The following CCHCR1 variants were observed in gnomAD, a reference collection of about 807,000 sequenced individuals.
CCHCR1 encodes HCR (a-helix coiled-coil rod homologue).
A neutral mutation model predicts 114.6 loss-of-function variants in CCHCR1; 91 were observed. The observed-to-expected ratio is 0.79, with a 90% CI of 0.67 to 0.94. The LOEUF is 0.94. Among genes scored for constraint, CCHCR1 ranks in the 40% least tolerant of loss-of-function variants. CCHCR1 has a pLI of 0.00. For synonymous variants in CCHCR1, 379 were observed against 428.5 expected (o/e 0.88, Z 1.43); for missense variants, 899 against 1,079.9 (o/e 0.83, Z 2.35).
Position 31,144,294 on chromosome 6 carries a change from T to C in CCHCR1, c.2167+393A>G, listed in dbSNP as rs112971796. Reference sequence around the variant, plus strand: ...CTGCAGCCTCGACCTCCCGGGTTCATGTAGTCTTCCCACATCAGCCTCACA... The same window carrying C: ...CTGCAGCCTCGACCTCCCGGGTTCACGTAGTCTTCCCACATCAGCCTCACA... On this transcript the variant is annotated intron_variant, in intron 15 of 17. Transcript: ENST00000396268. The surrounding 1 kb of genome is among the most constrained non-coding windows in gnomAD (Gnocchi z 4.6). Among the ~76,000 whole-genome samples the C allele has an allele frequency of 0.015, 2,335 of 152,214 alleles. 72 individuals carry two copies. The highest frequency in any genetic ancestry group is 0.1 in the East Asian group (515 of 5,168).
Position 31,143,485 on chromosome 6 carries a change from G to T in CCHCR1, c.2168-72C>A. 6.5e-7 allele frequency: 1 copy of T among 1,541,158 alleles called. No individual in the cohort carries two copies. ...GAGGCAGCCAGGCACCATGAAGACA[G>T]GAACAAACGCTGGGTCACCAACTCT... is the stretch of plus-strand genomic sequence containing the variant. On this transcript the variant is annotated intron_variant, in intron 15 of 17. Transcript: ENST00000396268. The surrounding 1 kb of genome is among the most constrained non-coding windows in gnomAD (Gnocchi z 5.3).
At chr6:31,155,600 T>G (rs143166791) in intron 3 of CCHCR1, among the ~76,000 whole-genome samples, 4 of 14,036 alleles carry the variant, frequency 2.8e-4, no homozygotes, top group Admixed American at 9.7e-4. Flanking sequence ...TGAGACTCCA[T>G]CTCAAAAAAA....
Position 31,154,408 on chromosome 6 carries a change from G to A in CCHCR1, c.801+88C>T, listed in dbSNP as rs2151056584. On this transcript the variant is annotated intron_variant, in intron 4 of 17. Coordinates refer to ENST00000396268, the MANE Select transcript of CCHCR1 (RefSeq NM_001105564.2). The surrounding 1 kb of genome is among the most constrained non-coding windows in gnomAD (Gnocchi z 4.1). ...ACTCTACTACTCACTACTCATGGAG[G>A]GTCTTTTCTGCAATACCTGTTCTTT... The A allele has an allele frequency of 3.1e-6, 3 of 976,122 alleles. No individual in the cohort carries two copies. The highest frequency in any genetic ancestry group is 2.4e-5 in the East Asian group (1 of 41,556). 60.5% of individuals were successfully genotyped at this position (976,122 alleles called of 1,614,324 possible).
In CCHCR1 at chr6:31,144,745, C is replaced by G; in HGVS notation, c.2109G>C (p.Glu703Asp). The G allele has an allele frequency of 1.2e-6, 2 of 1,613,986 alleles. No homozygotes were observed. Among genetic ancestry groups the G allele is most frequent in the Non-Finnish European group, 1.7e-6 (2 of 1,179,922 alleles). The change falls in exon 15 of 18, where the codon GAG becomes GAC. Residue 703 changes from glutamate (E) to aspartate (D), a missense_variant. By Grantham distance (45) the Glu-to-Asp change is conservative. Coordinates refer to ENST00000396268, the MANE Select transcript of CCHCR1 (RefSeq NM_001105564.2). The surrounding 1 kb of genome is among the most constrained non-coding windows in gnomAD (Gnocchi z 4.6). ...KVAEVETRLR[E>D]QLSDTERRLN... is the part of the protein sequence containing the mutation. ...GCCTCCTCTCTGTGTCTGAGAGTTG[C>G]TCCCGCAGCCGAGTTTCCACTTCAG...
At position 31,144,791 on chromosome 6, in the gene CCHCR1, G is replaced by C. The variant is rs769454876; in HGVS notation, c.2066-3C>G. 14 of 1,613,520 alleles carry C rather than the reference G, an allele frequency of 8.7e-6. No homozygotes were observed. The highest frequency in any genetic ancestry group is 1.2e-5 in the Non-Finnish European group (14 of 1,179,552). On this transcript the variant is annotated splice_polypyrimidine_tract_variant and splice_region_variant and intron_variant, in intron 14 of 17. Transcript: ENST00000396268. This position sits in a 1 kb window ranked among gnomAD's most constrained non-coding sequence, Gnocchi z 4.6. ...TTCAGCCACCTTTTCTTGCAGGGCT[G>C]GGGTGAAAGTGCAGACGGGGCATAT... is the stretch of plus-strand genomic sequence containing the variant.
In CCHCR1 at chr6:31,151,081, A is replaced by C. The variant is rs1274021733; in HGVS notation, c.843T>G (p.Ser281Arg). 6.2e-7 allele frequency: 1 copy of C among 1,613,040 alleles called. No homozygotes were observed. The highest frequency in any genetic ancestry group is 8.5e-7 in the Non-Finnish European group (1 of 1,180,016). ...CCAAGCCCTCAGCCTTGCTGGTCAA[A>C]CTGGAAAGAGCCTCCTCGTGAGCCT... is the stretch of plus-strand genomic sequence containing the variant. ...LTQAHEEALS[S>R]LTSKAEGLEK... The change falls in exon 5 of 18, where the codon AGT (serine) becomes AGG (arginine). Residue 281 changes from serine (S) to arginine (R), a missense_variant. Ser to Arg is a moderately radical substitution (Grantham distance 110). Transcript: ENST00000396268. The surrounding 1 kb of genome is among the most constrained non-coding windows in gnomAD (Gnocchi z 4.1).
upstream of CCHCR1, chr6:31,157,960 T>G: frequency 1.3e-5 from 4 of 315,088 alleles, no homozygotes; most frequent in East Asian, 6.8e-5. Flanking sequence ...CCCTGTACGC[T>G]AGCCGGCTCT....
rs536199531 is a variant in CCHCR1, at chr6:31,155,655, G to T, written c.498-856C>A. Among the ~76,000 whole-genome samples, 6 of 151,482 alleles carry T rather than the reference G, an allele frequency of 4.0e-5. No homozygotes were observed. The East Asian group carries it at 9.7e-4, about 25-fold the overall frequency. On this transcript the variant is annotated intron_variant, in intron 3 of 17. Coordinates refer to ENST00000396268, the MANE Select transcript of CCHCR1 (RefSeq NM_001105564.2). Reference sequence around the variant, plus strand: ...GGTATACTTTATGAGGAGTCTGAGAGAACAGTACATAAATAACACAGTGCC... The same window carrying T: ...GGTATACTTTATGAGGAGTCTGAGATAACAGTACATAAATAACACAGTGCC...
chr6:31,156,889 CA>C lies in CCHCR1; in HGVS notation c.338del (p.Leu113ArgfsTer28). The C allele has an allele frequency of 6.2e-7, 1 of 1,612,838 alleles. No homozygotes were observed. Among genetic ancestry groups the C allele is most frequent in the Non-Finnish European group, 8.5e-7 (1 of 1,180,020 alleles). On this transcript the variant is annotated frameshift_variant, in exon 3 of 18. Coordinates refer to ENST00000396268, the MANE Select transcript of CCHCR1 (RefSeq NM_001105564.2). LOFTEE classifies it high-confidence loss of function. ...AGAGCCAGGTGGGAGCCATTCTTGG[CA>C]GAGTTGAAAGGGGCCGAGCTTGAAA... ...SHFQARPLST[L>X]PRMAPTWLSD... is the part of the protein sequence containing the mutation.
chr6:31,153,396 G>A (rs1219202823), intron 4 of CCHCR1, among the ~76,000 whole-genome samples: 3 of 151,774 alleles, frequency 2.0e-5, no homozygotes, highest in Non-Finnish European at 4.4e-5. Flanking sequence ...CCCTTTTCTT[G>A]TGATCTGAGC....
chr6:31,148,853 GCGGGCGAC>G, intron 8 of CCHCR1, 125 bp from the exon 9 acceptor site: 1 of 245,822 alleles, frequency 4.1e-6, no homozygotes, highest in Non-Finnish European at 8.2e-6. Flanking sequence ...GGGAGGGGGG[GCGGGCGAC>G]GGGGGTGGGT....
rs746587026 is a variant in CCHCR1 at position 31,144,923 on chromosome 6, C to T, written c.2027G>A (p.Arg676Gln). The change falls in exon 14 of 18, where the codon CGG (arginine) becomes CAG (glutamine). Residue 676 changes from arginine to glutamine, a missense_variant. Physicochemically the swap from Arg to Gln is conservative, Grantham distance 43. Coordinates refer to ENST00000396268, the MANE Select transcript of CCHCR1 (RefSeq NM_001105564.2). The surrounding 1 kb of genome is among the most constrained non-coding windows in gnomAD (Gnocchi z 4.6). Reference protein sequence around the residue: ...QESTEEAASLRQELTQQQELY... With the variant: ...QESTEEAASLQQELTQQQELY... ...TTCCTGCTGCTGGGTCAGCTCCTGC[C>T]GCAGACTGGCAGCCTCCTCTGTGCT... The T allele has an allele frequency of 8.7e-6, 14 of 1,612,880 alleles. No homozygotes were observed. Among genetic ancestry groups the T allele is most frequent in the African/African-American group, 2.7e-5 (2 of 74,912 alleles).
At chr6:31,153,254 A>T (rs1253365652) in intron 4 of CCHCR1, among the ~76,000 whole-genome samples, 1 of 151,764 alleles carries the variant, frequency 6.6e-6, no homozygotes, top group African/African-American at 2.4e-5. Context: ...GATTACAGGC[A>T]TGAGCCACTG....
In CCHCR1 at chr6:31,154,590, C is replaced by G. The variant is rs777322758; in HGVS notation, c.707G>C (p.Arg236Pro). The G allele has an allele frequency of 1.2e-6, 2 of 1,613,046 alleles. No homozygotes were observed. The highest frequency in any genetic ancestry group is 2.2e-5 in the East Asian group (1 of 44,886). ...KAGRAEAEGL[R>P]AALAGAEVVR... is the part of the protein sequence containing the mutation. ...AACCTCAGCCCCAGCCAAAGCAGCA[C>G]GCAGGCCCTCAGCCTCAGCTCGGCC... The change falls in exon 4 of 18, where the codon CGT becomes CCT. Residue 236 changes from arginine to proline, a missense_variant. Arg to Pro is a moderately radical substitution (Grantham distance 103). Coordinates refer to ENST00000396268, the MANE Select transcript of CCHCR1 (RefSeq NM_001105564.2). The surrounding 1 kb of genome is among the most constrained non-coding windows in gnomAD (Gnocchi z 4.1).
Position 31,142,512 on chromosome 6 carries a change from G to T in CCHCR1, c.*80C>A, listed in dbSNP as rs965727555. On this transcript the variant is annotated 3_prime_UTR_variant, in exon 18 of 18. Coordinates refer to ENST00000396268, the MANE Select transcript of CCHCR1 (RefSeq NM_001105564.2). ...ATCCCCCAGGGCAACCCCAGGATGG[G>T]GAAGGGCTGGTCTGTCCCCACCCAC... The T allele has an allele frequency of 4.2e-5, 59 of 1,411,664 alleles. No individual in the cohort carries two copies. The highest frequency in any genetic ancestry group is 5.3e-5 in the Non-Finnish European group (54 of 1,027,236). 87.4% of individuals were successfully genotyped at this position (1,411,664 alleles called of 1,614,324 possible).
chr6:31,145,640 G>GA, intron 11 of CCHCR1, 56 bp downstream of exon 11: 2 of 1,480,200 alleles, frequency 1.4e-6, no homozygotes, highest in Non-Finnish European at 1.9e-6. Flanking sequence ...TCAGGAAGAA[G>GA]AAAGTCCGAG....
intron 4 of CCHCR1, among the ~76,000 whole-genome samples, chr6:31,153,332 T>C (rs1775520309): frequency 6.6e-6 from 1 of 152,148 alleles, no homozygotes. Context: ...CTGATTGGAT[T>C]GCTGGTCTTT....
At position 31,154,593 on chromosome 6, in the gene CCHCR1, A is replaced by G. The variant is rs770084120; in HGVS notation, c.704T>C (p.Leu235Pro). 1.2e-6 allele frequency: 2 copies of G among 1,613,058 alleles called. No individual in the cohort carries two copies. Among genetic ancestry groups the G allele is most frequent in the East Asian group, 2.2e-5 (1 of 44,888 alleles). Reference sequence around the variant, plus strand: ...CTCAGCCCCAGCCAAAGCAGCACGCAGGCCCTCAGCCTCAGCTCGGCCGGC... The same window carrying G: ...CTCAGCCCCAGCCAAAGCAGCACGCGGGCCCTCAGCCTCAGCTCGGCCGGC... ...EKAGRAEAEG[L>P]RAALAGAEVV... Residue 235 changes from leucine (L) to proline (P), a missense_variant, in exon 4 of 18, where the codon CTG (leucine) becomes CCG (proline). By Grantham distance (98) the Leu-to-Pro change is moderately conservative. Transcript: ENST00000396268. The surrounding 1 kb of genome is among the most constrained non-coding windows in gnomAD (Gnocchi z 4.1).
rs771550766 is a variant in CCHCR1, at chr6:31,154,588, C to T, written c.709G>A (p.Ala237Thr). Residue 237 changes from alanine (A) to threonine (T), a missense_variant, in exon 4 of 18, where the codon GCT (alanine) becomes ACT (threonine). Coordinates refer to ENST00000396268, the MANE Select transcript of CCHCR1 (RefSeq NM_001105564.2). The surrounding 1 kb of genome is among the most constrained non-coding windows in gnomAD (Gnocchi z 4.1). ...AGRAEAEGLRAALAGAEVVRK... is the reference protein window; with the variant it reads ...AGRAEAEGLRTALAGAEVVRK... The stretch of plus-strand genomic sequence containing the variant: ...ACAACCTCAGCCCCAGCCAAAGCAG[C>T]ACGCAGGCCCTCAGCCTCAGCTCGG... The T allele has an allele frequency of 1.5e-5, 24 of 1,612,944 alleles. No individual in the cohort carries two copies. Among genetic ancestry groups the T allele is most frequent in the Non-Finnish European group, 1.8e-5 (21 of 1,180,018 alleles).
Sources: allele counts gnomAD v4.1 joint callset (sites outside exome capture counted in the v4.1 genomes callset), GRCh38; gene constraint gnomAD v4.1.1; non-coding constraint Gnocchi (gnomAD v3.1); transcripts MANE v1.5; gene names NCBI Gene and HGNC (gene_info 2026-07-23, HGNC 2026-07-21).